The following HAPSTR1 variants were observed in gnomAD, a reference collection of about 807,000 sequenced individuals.
HAPSTR1 encodes the protein HUWE1-associated protein modifying stress responses 1.
At chr16:9,110,407 G>C in the HAPSTR1 span, 1 of 152,180 alleles carries the variant, frequency 6.6e-6, no homozygotes, top group South Asian at 2.1e-4. Context: ...TTTTTCCCTA[G>C]AAAAGGGAAG....
At chr16:9,093,426 G>T in the HAPSTR1 span, among the ~76,000 whole-genome samples, 7 of 152,236 alleles carry the variant, frequency 4.6e-5, no homozygotes, top group Non-Finnish European at 1.0e-4. Flanking sequence ...ATTGAGGGAA[G>T]ATAAGAGTTG....
the HAPSTR1 span, chr16:9,105,753 T>C: frequency 6.6e-6 from 1 of 152,354 alleles, no homozygotes; most frequent in Middle Eastern, 3.4e-3. Flanking sequence ...TTTGGAGTTT[T>C]ACATTGTGGG....
At chr16:9,092,944 C>G in the HAPSTR1 span, 1 of 1,607,466 alleles carries the variant, frequency 6.2e-7, no homozygotes, top group Non-Finnish European at 8.5e-7. Flanking sequence ...GCAGCCAGGA[C>G]TTTCTCTCTG....
At chr16:9,103,500 A>T in the HAPSTR1 span, 1 of 482,286 alleles carries the variant, frequency 2.1e-6, no homozygotes, top group Non-Finnish European at 3.7e-6. Flanking sequence ...AAAATGACAT[A>T]TCTTTCTGCA....
the HAPSTR1 span, among the ~76,000 whole-genome samples, chr16:9,102,300 A>T: frequency 1.3e-5 from 1 of 76,780 alleles, no homozygotes; most frequent in East Asian, 2.5e-4. Flanking sequence ...AAATTTTCAA[A>T]TTTTTTTTCA....
chr16:9,096,968 G>A, the HAPSTR1 span, among the ~76,000 whole-genome samples: 1 of 151,938 alleles, frequency 6.6e-6, no homozygotes, highest in Non-Finnish European at 1.5e-5. Flanking sequence ...TGGAGACGAA[G>A]TCTCGCTCTT....
the HAPSTR1 span, chr16:9,111,618 T>C: frequency 6.6e-6 from 1 of 152,234 alleles, no homozygotes; most frequent in Non-Finnish European, 1.5e-5. Context: ...TGTTGGACTT[T>C]TTTTTCATTG....
chr16:9,111,775 A>G, the HAPSTR1 span: 1 of 152,240 alleles, frequency 6.6e-6, no homozygotes, highest in Non-Finnish European at 1.5e-5. Flanking sequence ...CAAGAAGTAA[A>G]AAATTAATAT....
chr16:9,111,180 T>A, the HAPSTR1 span: 1 of 152,270 alleles, frequency 6.6e-6, no homozygotes, highest in South Asian at 2.1e-4. Flanking sequence ...AAACCCACAC[T>A]CTCAGCAGTG....
At chr16:9,101,654 A>G in the HAPSTR1 span, among the ~76,000 whole-genome samples, 2 of 151,442 alleles carry the variant, frequency 1.3e-5, no homozygotes, top group East Asian at 1.9e-4. Flanking sequence ...AGTAGGCCTT[A>G]TTATAAAGTT....
the HAPSTR1 span, among the ~76,000 whole-genome samples, chr16:9,114,705 T>A: frequency 1.5e-3 from 236 of 152,276 alleles, no homozygotes; most frequent in African/African-American, 5.5e-3. Flanking sequence ...TTTGCTAAAA[T>A]ACTCTAGGCT....
At chr16:9,118,725 T>A in the HAPSTR1 span, 1 of 152,514 alleles carries the variant, frequency 6.6e-6, no homozygotes, top group African/African-American at 2.4e-5. Flanking sequence ...CGTTTGGAGT[T>A]ACCTTTGTTT....
chr16:9,118,035 G>C, the HAPSTR1 span: 1 of 152,582 alleles, frequency 6.6e-6, no homozygotes, highest in African/African-American at 2.4e-5. Context: ...CTAGCTGTTA[G>C]GTAGACCTAA....
the HAPSTR1 span, among the ~76,000 whole-genome samples, chr16:9,099,701 A>G: frequency 2.0e-5 from 3 of 152,144 alleles, no homozygotes; most frequent in Non-Finnish European, 2.9e-5. Flanking sequence ...CCACGCTTCT[A>G]GAATTGGGGT....
chr16:9,102,940 C>G, the HAPSTR1 span: 1 of 1,590,628 alleles, frequency 6.3e-7, no homozygotes. Context: ...AATACGGGCT[C>G]TAATGGTCAT....
At chr16:9,103,489 T>G in the HAPSTR1 span, 2 of 505,544 alleles carry the variant, frequency 4.0e-6, no homozygotes, top group African/African-American at 1.9e-5. Flanking sequence ...TTATTGGTGT[T>G]AAAATGACAT....
the HAPSTR1 span, among the ~76,000 whole-genome samples, chr16:9,094,249 A>C: frequency 6.6e-6 from 1 of 152,176 alleles, no homozygotes; most frequent in Non-Finnish European, 1.5e-5. Context: ...TTACTGAAAA[A>C]AGGGAAACAT....
the HAPSTR1 span, among the ~76,000 whole-genome samples, chr16:9,099,499 G>C: frequency 2.7e-4 from 41 of 152,304 alleles, no homozygotes; most frequent in African/African-American, 9.6e-4. Flanking sequence ...TGCCCGCCCA[G>C]TTCCTTTTTT....
the HAPSTR1 span, chr16:9,117,166 C>G: frequency 3.7e-5 from 18 of 484,454 alleles, no homozygotes; most frequent in East Asian, 6.5e-4. Flanking sequence ...TCATCATAGG[C>G]AAACATATAT....
Sources: gnomAD v4.1 joint callset for allele counts (sites outside exome capture counted in the v4.1 genomes callset) on GRCh38, gnomAD v4.1.1 for gene constraint, MANE v1.5 for transcripts, NCBI Gene and HGNC (gene_info 2026-07-23, HGNC 2026-07-21) for gene names.